Variants in KDM4C observed in about 807,000 individuals in gnomAD.
KDM4C encodes lysine demethylase 4C.
Under a neutral mutation model 129.3 loss-of-function variants are expected in KDM4C, and 81 were observed. That is an observed-to-expected ratio of 0.63 (90% confidence interval 0.52 to 0.75). The LOEUF is 0.75. Among genes scored for constraint, KDM4C ranks in the 30% least tolerant of loss-of-function variants. The pLI, the probability that KDM4C is intolerant of heterozygous loss-of-function variation, is 0.00. For synonymous variants in KDM4C, 573 were observed against 456.1 expected (o/e 1.26, Z -3.26); for missense variants, 1,457 against 1,304.0 (o/e 1.12, Z -1.81).
intron 4 of KDM4C, among the ~76,000 whole-genome samples, chr9:6,821,229 T>A (rs62568868): frequency 0.065 from 9,952 of 152,284 alleles, 481 homozygotes; most frequent in Non-Finnish European, 0.1. Context: ...CCTTTGGGTA[T>A]ATACCCAGTA....
At chr9:6,960,329 A>C (rs1363164571) in intron 8 of KDM4C, among the ~76,000 whole-genome samples, 2 of 149,182 alleles carry the variant, frequency 1.3e-5, no homozygotes, top group African/African-American at 5.0e-5. Flanking sequence ...ACCCAGGCTG[A>C]AGTACAGTGG....
chr9:7,037,994 TTTTA>T (rs1320448376), intron 15 of KDM4C, among the ~76,000 whole-genome samples: 3 of 152,108 alleles, frequency 2.0e-5, no homozygotes, highest in African/African-American at 7.2e-5. Flanking sequence ...GACTGTTTGA[TTTTA>T]TTTATTTATT....
intron 17 of KDM4C, among the ~76,000 whole-genome samples, chr9:7,067,888 C>T (rs1050314007): frequency 5.9e-5 from 9 of 152,168 alleles, no homozygotes; most frequent in East Asian, 1.9e-4. Flanking sequence ...CTCCGTCTCC[C>T]GGGTTCATGC....
chr9:6,790,006 G>C (rs1171493430), intron 1 of KDM4C, among the ~76,000 whole-genome samples: 1 of 151,000 alleles, frequency 6.6e-6, no homozygotes, highest in African/African-American at 2.4e-5. Context: ...GGGTGCGGTG[G>C]CTCACGCCTG....
At chr9:6,774,227 A>G (rs11791505) in intron 1 of KDM4C, among the ~76,000 whole-genome samples, 1 of 152,146 alleles carries the variant, frequency 6.6e-6, no homozygotes, top group African/African-American at 2.4e-5. Flanking sequence ...ATACAATGAA[A>G]AAACAGTCTA....
At chr9:7,024,695 G>A (rs1012885832) in intron 15 of KDM4C, among the ~76,000 whole-genome samples, 15 of 152,114 alleles carry the variant, frequency 9.9e-5, no homozygotes, top group African/African-American at 3.6e-4. Context: ...AGTATTCCAT[G>A]GTGTATATGT....
At position 7,011,788 on chromosome 9, in the gene KDM4C, C is replaced by G. The variant is rs1822750507; in HGVS notation, c.1877C>G (p.Pro626Arg). 2 of 1,614,046 alleles carry G rather than the reference C, an allele frequency of 1.2e-6. No individual in the cohort carries two copies. The highest frequency in any genetic ancestry group is 1.7e-6 in the Non-Finnish European group (2 of 1,179,932). Residue 626 changes from proline to arginine, a missense_variant, in exon 13 of 22, where the codon CCT (proline) becomes CGT (arginine). Transcript: ENST00000381309. ...PLIHLWQTKS[P>R]NFAAEQEYNA... ...ATCCACCTTTGGCAGACGAAGTCCC[C>G]TAACTTCGCAGCTGAGCAAGAGTAT...
At chr9:7,043,442 A>G (rs928815345) in intron 15 of KDM4C, among the ~76,000 whole-genome samples, 1 of 152,066 alleles carries the variant, frequency 6.6e-6, no homozygotes, top group African/African-American at 2.4e-5. Flanking sequence ...GTTAATTTTT[A>G]GAGTTATCAA....
intron 1 of KDM4C, among the ~76,000 whole-genome samples, chr9:6,731,003 T>G (rs535267277): frequency 9.8e-5 from 15 of 152,342 alleles, no homozygotes; most frequent in South Asian, 4.1e-4. Flanking sequence ...AGAGTCCTTC[T>G]CAGGCCATCC....
At chr9:7,025,325 G>T (rs189259179) in intron 15 of KDM4C, among the ~76,000 whole-genome samples, 136 of 152,198 alleles carry the variant, frequency 8.9e-4, no homozygotes, top group African/African-American at 3.0e-3. Flanking sequence ...GAGCCACTCT[G>T]TGTCTTTTGA....
intron 8 of KDM4C, among the ~76,000 whole-genome samples, chr9:6,958,094 T>A (rs1380414887): frequency 1.3e-5 from 2 of 151,786 alleles, no homozygotes; most frequent in African/African-American, 4.8e-5. Context: ...CTTTTTTTTT[T>A]TTTTAATAAT....
At chr9:7,102,016 G>A (rs1837150972) in intron 17 of KDM4C, among the ~76,000 whole-genome samples, 1 of 152,190 alleles carries the variant, frequency 6.6e-6, no homozygotes, top group Non-Finnish European at 1.5e-5. Flanking sequence ...AGCATGGATT[G>A]TCAAAGAGAT....
At chr9:6,805,367 C>G (rs150896865) in intron 2 of KDM4C, among the ~76,000 whole-genome samples, 1 of 151,952 alleles carries the variant, frequency 6.6e-6, no homozygotes, top group Non-Finnish European at 1.5e-5. Flanking sequence ...AGTACCTACT[C>G]AAAATGAGTT....
intron 18 of KDM4C, among the ~76,000 whole-genome samples, chr9:7,106,253 T>G (rs1040568820): frequency 6.6e-6 from 1 of 152,234 alleles, no homozygotes; most frequent in Non-Finnish European, 1.5e-5. Context: ...TTATCAAGCA[T>G]AGAAAAGTTC....
At chr9:6,751,431 C>T (rs1251323893) in intron 1 of KDM4C, among the ~76,000 whole-genome samples, 1 of 151,958 alleles carries the variant, frequency 6.6e-6, no homozygotes, top group Non-Finnish European at 1.5e-5. Flanking sequence ...GGGTAACACA[C>T]CCAGATCCTG....
chr9:7,088,006 T>C (rs1395649927), intron 17 of KDM4C, among the ~76,000 whole-genome samples: 1 of 152,250 alleles, frequency 6.6e-6, no homozygotes, highest in Non-Finnish European at 1.5e-5. Context: ...GTACTACTTA[T>C]CAAAAATACA....
chr9:6,721,141 A>C (rs1389672652), intron 1 of KDM4C: 1 of 654,556 alleles, frequency 1.5e-6, no homozygotes, highest in Non-Finnish European at 2.6e-6. Context: ...TGGTGCAATC[A>C]CACCTCACTG....
chr9:7,083,269 A>AATACT (rs1834742942), intron 17 of KDM4C, among the ~76,000 whole-genome samples: 1 of 152,226 alleles, frequency 6.6e-6, no homozygotes, highest in Non-Finnish European at 1.5e-5. Context: ...TGTAAATCTA[A>AATACT]GATCTGAAAT....
intron 4 of KDM4C, among the ~76,000 whole-genome samples, chr9:6,825,865 C>A (rs1024237506): frequency 5.3e-5 from 8 of 152,180 alleles, no homozygotes; most frequent in Non-Finnish European, 1.0e-4. Context: ...GCCTGCAGTG[C>A]AGTGTCACAA....
Sources: allele counts gnomAD v4.1 joint callset (sites outside exome capture counted in the v4.1 genomes callset), GRCh38; gene constraint gnomAD v4.1.1; transcripts MANE v1.5; gene names NCBI Gene and HGNC (gene_info 2026-07-23, HGNC 2026-07-21).